The following SLC35E2B variants were observed in gnomAD, a reference collection of about 807,000 sequenced individuals.
SLC35E2B encodes solute carrier family 35, member E2B.
A neutral mutation model predicts 32.4 loss-of-function variants in SLC35E2B; 18 were observed. The ratio of observed to expected loss-of-function variants is 0.56; its 90% CI spans 0.38 to 0.82. The LOEUF (loss-of-function observed/expected upper bound fraction) is 0.82. SLC35E2B is among the 40% of genes least tolerant of loss of function. The pLI, the probability that SLC35E2B is intolerant of heterozygous loss-of-function variation, is 0.00. For missense variants in SLC35E2B, 263 were observed against 469.5 expected, an observed-to-expected ratio of 0.56 and a Z score of 4.06; for synonymous variants, 132 against 209.1, an observed-to-expected ratio of 0.63 and a Z score of 3.18.
intron 2 of SLC35E2B, among the ~76,000 whole-genome samples, chr1:1,681,428 C>T (rs1354643956): frequency 6.6e-6 from 1 of 150,988 alleles, no homozygotes; most frequent in Non-Finnish European, 1.5e-5. Flanking sequence ...AGGATGGTCT[C>T]GATCTCCTGA....
intron 6 of SLC35E2B, 55 bp downstream of exon 6, chr1:1,671,454 A>T: frequency 7.4e-7 from 1 of 1,360,456 alleles, no homozygotes; most frequent in Non-Finnish European, 9.6e-7. Flanking sequence ...GCACACCCAG[A>T]TGCAGGTGAG....
intron 5 of SLC35E2B, chr1:1,673,433 G>A (rs1202540754): frequency 6.4e-6 from 2 of 311,750 alleles, no homozygotes; most frequent in Non-Finnish European, 1.3e-5. Flanking sequence ...ACTGTGGGAG[G>A]CTGAGGCGGG....
intron 8 of SLC35E2B, 21 bp from the exon 9 acceptor site, chr1:1,668,493 T>C: frequency 6.2e-7 from 1 of 1,614,028 alleles, no homozygotes; most frequent in Non-Finnish European, 8.5e-7. Flanking sequence ...AACAAAAGGG[T>C]ACTCTATCGG....
intron 2 of SLC35E2B, among the ~76,000 whole-genome samples, chr1:1,677,478 CTTT>C (rs533023320): frequency 3.7e-5 from 5 of 135,772 alleles, no homozygotes; most frequent in Non-Finnish European, 1.6e-5. Flanking sequence ...TTTCTTTTTC[CTTT>C]TTTTTTTTTT....
rs1467021041 is a variant in SLC35E2B at position 1,665,734 on chromosome 1, G to A, written c.*48C>T. ...GAGGAGGGCGTCCCTGCCCATTTCT[G>A]GGGGATGCAGTGTCACGAGGACAGC... On this transcript the variant is annotated 3_prime_UTR_variant, in exon 10 of 10. Transcript: ENST00000617444. 1 of 1,539,400 alleles carries A rather than the reference G, an allele frequency of 6.5e-7. No individual in the cohort carries two copies. Among genetic ancestry groups the A allele is most frequent in the Non-Finnish European group, 8.8e-7 (1 of 1,139,016 alleles).
chr1:1,668,643 CT>C (rs1643604775), intron 8 of SLC35E2B, among the ~76,000 whole-genome samples, 171 bp from the exon 9 acceptor site: 1 of 151,948 alleles, frequency 6.6e-6, no homozygotes, highest in Non-Finnish European at 1.5e-5. Context: ...CATCCATTTT[CT>C]GTTTTTTTTG....
chr1:1,671,854 G>C (rs1340376183), intron 5 of SLC35E2B: 2 of 412,304 alleles, frequency 4.9e-6, no homozygotes, highest in Admixed American at 4.6e-5. Flanking sequence ...CTCTACATGA[G>C]ATGCGTCCCC....
rs1473173614 is a variant in SLC35E2B, at chr1:1,663,236, T to TC, written c.*2545dup. ...TTGTTTCTGGTCCACAAACAGAAAATCCAAACAGGATGGCAGCTCCTTGTG... is the reference window on the plus strand; with the variant it reads ...TTGTTTCTGGTCCACAAACAGAAAATCCCAAACAGGATGGCAGCTCCTTGTG... On this transcript the variant is annotated 3_prime_UTR_variant, in exon 10 of 10. Transcript: ENST00000617444. The TC allele has an allele frequency of 1.0e-6, 1 of 973,344 alleles. No individual in the cohort carries two copies. Among genetic ancestry groups the TC allele is most frequent in the Non-Finnish European group, 1.2e-6 (1 of 820,124 alleles). The allele number at this position is 973,344 out of a possible 1,614,324, so 60.3% of individuals were successfully genotyped here. A position where few individuals can be genotyped will look rare whatever the true frequency, so the allele number is the denominator to read the frequency against.
intron 2 of SLC35E2B, among the ~76,000 whole-genome samples, chr1:1,677,738 G>C (rs979709287): frequency 6.6e-6 from 1 of 151,414 alleles, no homozygotes; most frequent in Non-Finnish European, 1.5e-5. Context: ...CGCCCACCTC[G>C]GCCTCCTAAA....
intron 2 of SLC35E2B, among the ~76,000 whole-genome samples, chr1:1,687,242 G>A (rs1643962413): frequency 6.6e-6 from 1 of 152,104 alleles, no homozygotes; most frequent in Non-Finnish European, 1.5e-5. Flanking sequence ...CACCTGCACA[G>A]CGCGCTCCCA....
chr1:1,684,372 C>T (rs1015151544), intron 2 of SLC35E2B, among the ~76,000 whole-genome samples: 16 of 152,262 alleles, frequency 1.1e-4, no homozygotes, highest in Admixed American at 3.9e-4. Context: ...CTGCTGAAGG[C>T]GTTTGCTTTC....
chr1:1,665,038 G>C lies in SLC35E2B; in HGVS notation c.*744C>G. ...ACCCCCACAGGTAGGAGGGCAGGGT[G>C]CCCTGGGGTTGCGGGGAGCTCACGC... is the stretch of plus-strand genomic sequence containing the variant. On this transcript the variant is annotated 3_prime_UTR_variant, in exon 10 of 10. Coordinates refer to ENST00000617444, the MANE Select transcript of SLC35E2B (RefSeq NM_001290264.2). 1.1e-6 allele frequency: 1 copy of C among 937,268 alleles called. No homozygotes were observed. Among genetic ancestry groups the C allele is most frequent in the Non-Finnish European group, 1.3e-6 (1 of 785,938 alleles). 58.1% of individuals were successfully genotyped at this position (937,268 alleles called of 1,614,324 possible).
At chr1:1,671,456 G>C (rs1320111887) in intron 6 of SLC35E2B, 53 bp downstream of exon 6, 6 of 1,362,344 alleles carry the variant, frequency 4.4e-6, no homozygotes, top group Non-Finnish European at 5.8e-6. Context: ...ACACCCAGAT[G>C]CAGGTGAGCA....
rs368871819 is a variant in SLC35E2B, at chr1:1,669,703, A to C, written c.795T>G (p.Ala265=). Residue 265 remains alanine (A), a synonymous_variant, in exon 8 of 10, where the codon GCT becomes GCG. Coordinates refer to ENST00000617444, the MANE Select transcript of SLC35E2B (RefSeq NM_001290264.2). ...APELQFYTSA[A]AVAMLVPARV... is the part of the protein sequence containing the mutation. The stretch of plus-strand genomic sequence containing the variant: ...GGGCCGGGACGAGCATGGCCACCGC[A>C]GCGGCGCTGGTGTAGAACTGCAGCT... 9 of 1,538,466 alleles carry C rather than the reference A, an allele frequency of 5.8e-6. No individual in the cohort carries two copies. In the African/African-American group the frequency reaches 1.2e-4, roughly 21 times the overall value.
intron 6 of SLC35E2B, 66 bp downstream of exon 6, chr1:1,671,443 T>C: frequency 7.5e-7 from 1 of 1,338,466 alleles, no homozygotes; most frequent in Non-Finnish European, 9.7e-7. Flanking sequence ...CCTGAGAATC[T>C]GCACACCCAG....
intron 2 of SLC35E2B, among the ~76,000 whole-genome samples, chr1:1,687,317 C>A (rs1643963990): frequency 6.6e-6 from 1 of 152,210 alleles, no homozygotes; most frequent in African/African-American, 2.4e-5. Flanking sequence ...TGGCTCACGC[C>A]TGTAATCCTA....
intron 2 of SLC35E2B, among the ~76,000 whole-genome samples, chr1:1,681,499 G>A (rs970965500): frequency 7.3e-5 from 11 of 150,654 alleles, no homozygotes; most frequent in East Asian, 6.1e-4. Flanking sequence ...GAGCCACCGC[G>A]CCCGGCCTCT....
chr1:1,673,231 G>A (rs1480620049), intron 5 of SLC35E2B: 5 of 408,154 alleles, frequency 1.2e-5, no homozygotes, highest in East Asian at 7.9e-5. Flanking sequence ...TGAGGCTGGG[G>A]GTGCTCATAC....
At chr1:1,669,566 G>A in intron 8 of SLC35E2B, 98 bp downstream of exon 8, 2 of 1,296,026 alleles carry the variant, frequency 1.5e-6, no homozygotes, top group Non-Finnish European at 2.1e-6. Flanking sequence ...GGCCCAACCA[G>A]CCAGCACACG....
Sources: gnomAD v4.1 joint callset for allele counts (sites outside exome capture counted in the v4.1 genomes callset) on GRCh38, gnomAD v4.1.1 for gene constraint, MANE v1.5 for transcripts, NCBI Gene and HGNC (gene_info 2026-07-23, HGNC 2026-07-21) for gene names.